GFRA2: variants seen among roughly 807,000 people sequenced by gnomAD.
The protein encoded by GFRA2 is GDNF family receptor alpha-2.
A neutral mutation model predicts 48.3 loss-of-function variants in GFRA2; 17 were observed. The ratio of observed to expected loss-of-function variants is 0.35; its 90% CI spans 0.24 to 0.53. The LOEUF is 0.53. GFRA2 is among the 20% of genes least tolerant of loss of function. The probability of loss-of-function intolerance (pLI) is 0.93; values close to 1 mark genes in which losing one functional copy is unlikely to be tolerated. For missense variants in GFRA2, 660 were observed against 637.3 expected (o/e 1.04, Z -0.38); for synonymous variants, 305 against 257.2 (o/e 1.19, Z -1.78).
At chr8:21,695,768 G>A (rs369715436) in intron 7 of GFRA2, among the ~76,000 whole-genome samples, 3 of 152,154 alleles carry the variant, frequency 2.0e-5, no homozygotes, top group African/African-American at 2.4e-5. Context: ...AAAAGAACAC[G>A]CCCACCCCCT....
chr8:21,800,020 C>T (rs1273924875), intron 2 of GFRA2, among the ~76,000 whole-genome samples: 1 of 152,242 alleles, frequency 6.6e-6, no homozygotes, highest in Non-Finnish European at 1.5e-5. Context: ...ACATCTCCAG[C>T]TTCTAACCTC....
intron 2 of GFRA2, among the ~76,000 whole-genome samples, chr8:21,779,162 T>G (rs1444436462): frequency 3.3e-5 from 5 of 152,194 alleles, no homozygotes; most frequent in Non-Finnish European, 7.3e-5. Flanking sequence ...ATCATGCCAC[T>G]GCCCTCTAGC....
At chr8:21,696,581 A>G (rs1802188135) in intron 7 of GFRA2, among the ~76,000 whole-genome samples, 1 of 152,170 alleles carries the variant, frequency 6.6e-6, no homozygotes, top group Non-Finnish European at 1.5e-5. Context: ...CATGCAGAGC[A>G]GCTGGCAAAG....
rs576224074 is a variant in GFRA2 at position 21,710,957 on chromosome 8, C to T, written c.795-4916G>A. Among the ~76,000 whole-genome samples, 80 of 152,344 alleles carry T rather than the reference C, an allele frequency of 5.3e-4. 1 individual carries two copies. Among genetic ancestry groups the T allele is most frequent in the African/African-American group, 1.8e-3 (73 of 41,578 alleles). ...GCTAAAGTTTCTCTCTGCCCCTCCA[C>T]GTGTGATCAAGTCCACAGCAGTGGG... On this transcript the variant is annotated intron_variant, in intron 4 of 8. Transcript: ENST00000524240.
chr8:21,773,806 G>A (rs368815401), intron 3 of GFRA2, among the ~76,000 whole-genome samples: 2 of 152,200 alleles, frequency 1.3e-5, no homozygotes, highest in East Asian at 3.9e-4. Flanking sequence ...CTTCTCAACT[G>A]GCAGTGACTG....
At chr8:21,722,601 C>G (rs774633702) in intron 4 of GFRA2, among the ~76,000 whole-genome samples, 26 of 152,162 alleles carry the variant, frequency 1.7e-4, no homozygotes, top group Non-Finnish European at 3.2e-4. Context: ...CGCCCGCATG[C>G]AGTGAGCTCT....
intron 1 of GFRA2, among the ~76,000 whole-genome samples, chr8:21,786,980 C>T (rs763928810): frequency 3.4e-4 from 52 of 152,080 alleles, no homozygotes; most frequent in Admixed American, 8.5e-4. Flanking sequence ...GACGTGTGCT[C>T]CTTACAAACA....
At chr8:21,760,256 C>T (rs1324334106) in intron 3 of GFRA2, among the ~76,000 whole-genome samples, 2 of 152,126 alleles carry the variant, frequency 1.3e-5, no homozygotes. Flanking sequence ...GGCACATGAC[C>T]TCATTCACTG....
chr8:21,808,629 T>C (rs942034615), intron 1 of GFRA2, among the ~76,000 whole-genome samples: 1 of 152,212 alleles, frequency 6.6e-6, no homozygotes, highest in Non-Finnish European at 1.5e-5. Context: ...AGGTTTGGCA[T>C]TAATAATAAC....
Position 21,750,835 on chromosome 8 carries a change from A to T in GFRA2, c.547T>A (p.Ser183Thr). 6.2e-7 allele frequency: 1 copy of T among 1,613,698 alleles called. No homozygotes were observed. Among genetic ancestry groups the T allele is most frequent in the South Asian group, 1.1e-5 (1 of 91,074 alleles). Residue 183 changes from serine (S) to threonine (T), a missense_variant, in exon 4 of 9, where the codon TCC becomes ACC. Transcript: ENST00000524240. The surrounding 1 kb of genome is among the most constrained non-coding windows in gnomAD (Gnocchi z 5.7). ...NCKKLRSSYI[S>T]ICNREISPTE... Reference sequence around the variant, plus strand: ...GGCGAGATCTCGCGGTTGCAGATGGAGATGTAGGAGGAGCGCAGCTTCTTG... The same window carrying T: ...GGCGAGATCTCGCGGTTGCAGATGGTGATGTAGGAGGAGCGCAGCTTCTTG...
At chr8:21,720,574 C>G (rs1803546315) in intron 4 of GFRA2, among the ~76,000 whole-genome samples, 1 of 152,164 alleles carries the variant, frequency 6.6e-6, no homozygotes, top group South Asian at 2.1e-4. Context: ...ATGTACTGAT[C>G]TCTCCCATCT....
At chr8:21,764,878 A>T (rs1213823654) in intron 3 of GFRA2, among the ~76,000 whole-genome samples, 1 of 152,142 alleles carries the variant, frequency 6.6e-6, no homozygotes, top group Non-Finnish European at 1.5e-5. Context: ...AGCTTGAAAG[A>T]GTAGATTTCT....
At position 21,696,761 on chromosome 8, in the gene GFRA2, G is replaced by A. The variant is rs114576468; in HGVS notation, c.1219-2244C>T. 1.4e-3 allele frequency among the ~76,000 whole-genome samples: 213 copies of A among 152,244 alleles called. 2 individuals carry two copies. The highest frequency in any genetic ancestry group is 4.8e-3 in the African/African-American group (199 of 41,552). ...TCCTCTTAAATAGGATAGAGTGGAG[G>A]GGACACTGGCAAGTATTACACAGGA... On this transcript the variant is annotated intron_variant, in intron 7 of 8. Transcript: ENST00000524240.
intron 4 of GFRA2, among the ~76,000 whole-genome samples, chr8:21,741,255 C>T (rs1316907192): frequency 6.6e-6 from 1 of 152,194 alleles, no homozygotes; most frequent in African/African-American, 2.4e-5. Context: ...CCCGCTGCCC[C>T]AGCCACACCT....
intron 2 of GFRA2, among the ~76,000 whole-genome samples, chr8:21,800,917 C>A (rs1807758698): frequency 7.4e-6 from 1 of 134,970 alleles, no homozygotes; most frequent in Non-Finnish European, 1.6e-5. Flanking sequence ...CAGAGTGAGA[C>A]CTGGTGTCAA....
intron 1 of GFRA2, chr8:21,812,163 G>C (rs946534305): frequency 2.6e-5 from 4 of 152,228 alleles, no homozygotes; most frequent in Non-Finnish European, 5.9e-5. Flanking sequence ...AAAGCAGGCA[G>C]TCCTGGGACA....
At chr8:21,770,773 T>C (rs35406506) in intron 3 of GFRA2, among the ~76,000 whole-genome samples, 12,414 of 152,142 alleles carry the variant, frequency 0.082, 660 homozygotes, top group East Asian at 0.2. Context: ...CGCCCAGTCC[T>C]CTTCATCACC....
intron 7 of GFRA2, among the ~76,000 whole-genome samples, chr8:21,698,953 G>A (rs1433843570): frequency 6.6e-6 from 1 of 152,116 alleles, no homozygotes; most frequent in Non-Finnish European, 1.5e-5. Flanking sequence ...TTATGCCCAC[G>A]GGTCCTTGGC....
intron 2 of GFRA2, among the ~76,000 whole-genome samples, chr8:21,802,931 A>T (rs1334886230): frequency 2.0e-5 from 3 of 152,198 alleles, no homozygotes; most frequent in African/African-American, 7.2e-5. Flanking sequence ...AACCTACTCT[A>T]TAATAGGCTG....
Sources: allele counts gnomAD v4.1 joint callset (sites outside exome capture counted in the v4.1 genomes callset), GRCh38; gene constraint gnomAD v4.1.1; non-coding constraint Gnocchi (gnomAD v3.1); transcripts MANE v1.5; gene names NCBI Gene and HGNC (gene_info 2026-07-23, HGNC 2026-07-21).